The following IL13RA2 variants were observed in gnomAD, a reference collection of about 807,000 sequenced individuals.
IL13RA2 encodes interleukin-13 receptor subunit alpha-2.
Under a neutral mutation model 34.1 loss-of-function variants are expected in IL13RA2, and 25 were observed. The observed-to-expected ratio is 0.73, with a 90% CI of 0.53 to 1.03. The LOEUF (loss-of-function observed/expected upper bound fraction) is 1.03. Ranked by LOEUF, IL13RA2 falls within the 50% of genes least tolerant of loss-of-function variation. The probability of loss-of-function intolerance (pLI) is 0.00; values close to 1 mark genes in which losing one functional copy is unlikely to be tolerated. For synonymous variants in IL13RA2, 106 were observed against 100.4 expected (o/e 1.06, Z -0.33); for missense variants, 297 against 280.9 (o/e 1.06, Z -0.41).
chrX:115,012,748 G>T (rs5987845), intron 5 of IL13RA2, among the ~76,000 whole-genome samples: 7,185 of 107,173 alleles, frequency 0.067, 679 homozygotes, highest in African/African-American at 0.24. Context: ...CTGTGTGACA[G>T]AGGGAGACTC....
intron 5 of IL13RA2, 124 bp downstream of exon 5, chrX:115,013,645 C>T: frequency 6.6e-6 from 3 of 455,295 alleles, no homozygotes; most frequent in East Asian, 4.0e-5. Flanking sequence ...AAACAATTAT[C>T]ATCATAAATA....
At chrX:115,010,887 C>A in intron 5 of IL13RA2, 59 bp from the exon 6 acceptor site, 2 of 525,304 alleles carry the variant, frequency 3.8e-6, no homozygotes, top group Non-Finnish European at 5.9e-6. Context: ...AGTATCAAGG[C>A]ACTTCATTTT....
In IL13RA2 at chrX:115,005,253, A is replaced by G. The variant is rs782370775; in HGVS notation, c.1060T>C (p.Leu354=). ...FWLPFGFILI[L]VIFVTGLLLR... ...AGCAGACCGGTTACAAATATAACTA[A>G]TATTAAGATGAAACCAAATGGTAGC... is the stretch of plus-strand genomic sequence containing the variant. Residue 354 remains leucine (L), a synonymous_variant, in exon 9 of 10, where the codon TTA becomes CTA. Transcript: ENST00000243213. 1.7e-6 allele frequency: 2 copies of G among 1,149,672 alleles called. No homozygotes were observed. Among genetic ancestry groups the G allele is most frequent in the Non-Finnish European group, 1.2e-6 (1 of 838,672 alleles). 94.7% of individuals were successfully genotyped at this position (1,149,672 alleles called of 1,213,427 possible). A position where few individuals can be genotyped will look rare whatever the true frequency, so the allele number is the denominator to read the frequency against.
intron 7 of IL13RA2, among the ~76,000 whole-genome samples, chrX:115,008,893 C>T (rs782354788): frequency 1.4e-4 from 16 of 111,934 alleles, no homozygotes; most frequent in Non-Finnish European, 2.6e-4. Context: ...AGTGAATTTA[C>T]ATACCTGGGA....
chrX:115,011,772 AG>A (rs1569507377), intron 5 of IL13RA2, among the ~76,000 whole-genome samples: 1 of 112,123 alleles, frequency 8.9e-6, no homozygotes, highest in African/African-American at 3.2e-5. Flanking sequence ...TGATGTCAGC[AG>A]GGAAGGCTTT....
rs185131397 is a variant in IL13RA2 at position 115,013,737 on chromosome X, T to A, written c.521+32A>T. On this transcript the variant is annotated intron_variant, in intron 5 of 9. Coordinates refer to ENST00000243213, the MANE Select transcript of IL13RA2 (RefSeq NM_000640.3). ...TCGACTAACTTGAGTAGACATTTTT[T>A]AATATGGAATTCTAATTATAAAAAT... 4.2e-4 allele frequency: 343 copies of A among 817,890 alleles called. 1 individual carries two copies. The African/African-American group carries it at 6.4e-3, about 15-fold the overall frequency. The allele number at this position is 817,890 out of a possible 1,213,427, so 67.4% of individuals were successfully genotyped here. A position where few individuals can be genotyped will look rare whatever the true frequency, so the allele number is the denominator to read the frequency against.
Position 115,016,000 on chromosome X carries a change from A to G in IL13RA2, c.95-179T>C, listed in dbSNP as rs955514739. Among the ~76,000 whole-genome samples, 5 of 112,228 alleles carry G rather than the reference A, an allele frequency of 4.5e-5. No individual in the cohort carries two copies. The East Asian group carries it at 1.4e-3, about 31-fold the overall frequency. On this transcript the variant is annotated intron_variant, in intron 2 of 9. Coordinates refer to ENST00000243213, the MANE Select transcript of IL13RA2 (RefSeq NM_000640.3). ...ATGAAGTACTGATTCATGCTACAAC[A>G]TGGATGAACCTTGAGAACATTATAC...
At chrX:115,013,645 C>G (rs1297795207) in intron 5 of IL13RA2, 124 bp downstream of exon 5, 2 of 453,402 alleles carry the variant, frequency 4.4e-6, no homozygotes, top group African/African-American at 5.1e-5. Flanking sequence ...AAACAATTAT[C>G]ATCATAAATA....
intron 8 of IL13RA2, among the ~76,000 whole-genome samples, 166 bp downstream of exon 8, chrX:115,007,766 A>G (rs1269106074): frequency 8.9e-6 from 1 of 112,270 alleles, no homozygotes; most frequent in Non-Finnish European, 1.9e-5. Flanking sequence ...TGAATATTAG[A>G]CTTTTAATAA....
intron 4 of IL13RA2, 81 bp downstream of exon 4, chrX:115,014,340 C>A: frequency 1.4e-6 from 1 of 717,530 alleles, no homozygotes; most frequent in Non-Finnish European, 2.1e-6. Context: ...TGCCTACAGC[C>A]TGGTACATAA....
In IL13RA2 at chrX:115,007,972, G is replaced by A. The variant is rs199568621; in HGVS notation, c.957C>T (p.Asp319=). 249 of 1,126,323 alleles carry A rather than the reference G, an allele frequency of 2.2e-4. No homozygotes were observed. Among genetic ancestry groups the A allele is most frequent in the Non-Finnish European group, 2.9e-4 (237 of 821,775 alleles). 92.8% of individuals were successfully genotyped at this position (1,126,323 alleles called of 1,213,427 possible). A position where few individuals can be genotyped will look rare whatever the true frequency, so the allele number is the denominator to read the frequency against. The stretch of plus-strand genomic sequence containing the variant: ...TATCACTCCACTCACTCCAAATTCC[G>A]TCATCTGAGCAATAAATATTCACTT... ...RSKVNIYCSD[D]GIWSEWSDKQ... is the part of the protein sequence containing the mutation. Residue 319 remains aspartate (D), a synonymous_variant, in exon 8 of 10, where the codon GAC becomes GAT. Transcript: ENST00000243213.
rs190040213 is a variant in IL13RA2, at chrX:115,013,780, G to A, written c.510C>T (p.Asn170=). ...GIGVLLDTNY[N]LFYWYEGLDH... is the part of the protein sequence containing the mutation. ...ATAAAAATACTTACCAGTAAAACAA[G>A]TTGTAATTGGTATCAAGAAGTACAC... Residue 170 remains asparagine (N), a synonymous_variant, in exon 5 of 10, where the codon AAC becomes AAT. Coordinates refer to ENST00000243213, the MANE Select transcript of IL13RA2 (RefSeq NM_000640.3). 44 of 1,043,881 alleles carry A rather than the reference G, an allele frequency of 4.2e-5. 1 individual carries two copies. The East Asian group carries it at 1.3e-3, about 31-fold the overall frequency. The allele number at this position is 1,043,881 out of a possible 1,213,427, so 86.0% of individuals were successfully genotyped here.
At chrX:115,006,258 T>C (rs1479874985) in intron 8 of IL13RA2, among the ~76,000 whole-genome samples, 1 of 112,247 alleles carries the variant, frequency 8.9e-6, no homozygotes, top group Non-Finnish European at 1.9e-5. Flanking sequence ...GAAGAGGACA[T>C]ACTTTTATTT....
intron 8 of IL13RA2, among the ~76,000 whole-genome samples, chrX:115,006,564 T>C (rs1203075470): frequency 1.8e-5 from 2 of 110,698 alleles, no homozygotes; most frequent in African/African-American, 6.6e-5. Flanking sequence ...ATGCCCGTAA[T>C]CCCAGCTACT....
Position 115,010,932 on chromosome X carries a change from C to A in IL13RA2, c.522-104G>T, listed in dbSNP as rs1416798709. On this transcript the variant is annotated intron_variant, in intron 5 of 9. Coordinates refer to ENST00000243213, the MANE Select transcript of IL13RA2 (RefSeq NM_000640.3). ...TAGGATACCATGTCAGTTTAAAAAT[C>A]ATTTAATAATGTACAATATTTATTA... 4.4e-5 allele frequency: 17 copies of A among 388,214 alleles called. No individual in the cohort carries two copies. The East Asian group carries it at 7.2e-4, about 16-fold the overall frequency. The allele number at this position is 388,214 out of a possible 1,213,427, so 32.0% of individuals were successfully genotyped here. A position where few individuals can be genotyped will look rare whatever the true frequency, so the allele number is the denominator to read the frequency against.
chrX:115,016,690 TTAA>T (rs1556510145), intron 2 of IL13RA2, among the ~76,000 whole-genome samples: 3 of 106,587 alleles, frequency 2.8e-5, no homozygotes, highest in South Asian at 7.7e-4. Flanking sequence ...TTTTAATTAA[TTAA>T]TAATAAAACA....
intron 5 of IL13RA2, 59 bp from the exon 6 acceptor site, chrX:115,010,887 C>T (rs2071703570): frequency 3.8e-6 from 2 of 523,472 alleles, no homozygotes; most frequent in Non-Finnish European, 5.9e-6. Context: ...AGTATCAAGG[C>T]ACTTCATTTT....
chrX:115,004,766 C>T (rs2071678323), intron 9 of IL13RA2, among the ~76,000 whole-genome samples: 1 of 111,962 alleles, frequency 8.9e-6, no homozygotes. Flanking sequence ...GATCCTGTCT[C>T]CCTTAACTTG....
rs2071675530 is a variant in IL13RA2 at position 115,004,087 on chromosome X, T to C, written c.1136A>G (p.Asp379Gly). The change falls in exon 10 of 10, where the codon GAT (aspartate) becomes GGT (glycine). Residue 379 changes from aspartate (D) to glycine (G), a missense_variant. Physicochemically the swap from Asp to Gly is moderately conservative, Grantham distance 94. Coordinates refer to ENST00000243213, the MANE Select transcript of IL13RA2 (RefSeq NM_000640.3). ...TCTTGATATGGAAAGTCTTCATGTA[T>C]CACAGAAAAATTCTGGAATCTAGAA... ...YPKMIPEFFC[D>G]T 9.4e-7 allele frequency: 1 copy of C among 1,067,481 alleles called. No individual in the cohort carries two copies. The highest frequency in any genetic ancestry group is 1.3e-6 in the Non-Finnish European group (1 of 767,634). 88.0% of individuals were successfully genotyped at this position (1,067,481 alleles called of 1,213,427 possible).
Sources: allele counts gnomAD v4.1 joint callset (sites outside exome capture counted in the v4.1 genomes callset), GRCh38; gene constraint gnomAD v4.1.1; transcripts MANE v1.5; gene names NCBI Gene and HGNC (gene_info 2026-07-23, HGNC 2026-07-21).